Variants in DTX1 observed in about 807,000 individuals in gnomAD.
The protein encoded by DTX1 is E3 ubiquitin-protein ligase DTX1.
Under a neutral mutation model 57.8 loss-of-function variants are expected in DTX1, and 26 were observed. That is an observed-to-expected ratio of 0.45 (90% CI 0.33 to 0.62). DTX1 has a LOEUF of 0.62. Ranked by LOEUF, DTX1 falls within the 20% of genes least tolerant of loss-of-function variation. The pLI is 0.02. For missense variants in DTX1, 704 were observed against 895.3 expected (o/e 0.79, Z 2.73); for synonymous variants, 398 against 394.1 (o/e 1.01, Z -0.12).
intron 3 of DTX1, among the ~76,000 whole-genome samples, chr12:113,079,564 G>C (rs1228939699): frequency 8.7e-6 from 1 of 114,514 alleles, no homozygotes; most frequent in Non-Finnish European, 1.7e-5. Flanking sequence ...GTTTCACTCT[G>C]TTGCCCAGGC....
At chr12:113,078,321 G>A (rs2044791340) in intron 3 of DTX1, among the ~76,000 whole-genome samples, 1 of 152,140 alleles carries the variant, frequency 6.6e-6, no homozygotes, top group South Asian at 2.1e-4. Flanking sequence ...AGGACCCTAT[G>A]AGGTAGGTAC....
intron 2 of DTX1, among the ~76,000 whole-genome samples, chr12:113,067,052 G>A (rs918596707): frequency 3.9e-5 from 6 of 152,096 alleles, no homozygotes; most frequent in East Asian, 1.9e-4. Flanking sequence ...GGCCGGTGAC[G>A]GGGTGCATGA....
rs2044694109 is a variant in DTX1 at position 113,064,968 on chromosome 12, GA to G, written c.259+6520del. Among the ~76,000 whole-genome samples the G allele has an allele frequency of 2.6e-5, 4 of 152,188 alleles. No individual in the cohort carries two copies. The South Asian group carries it at 8.3e-4, about 32-fold the overall frequency. On this transcript the variant is annotated intron_variant, in intron 2 of 9. Transcript: ENST00000548759. The stretch of plus-strand genomic sequence containing the variant: ...ATAGGAGGAACACTTACAGGTGGAG[GA>G]AACAGCAGGGGTCCTTCAGCAGGGT...
intron 6 of DTX1, among the ~76,000 whole-genome samples, 198 bp from the exon 7 acceptor site, chr12:113,094,591 A>T (rs919745215): frequency 1.3e-5 from 2 of 150,704 alleles, no homozygotes; most frequent in Admixed American, 6.6e-5. Context: ...ATAAATAAAT[A>T]AAATAAATAA....
chr12:113,058,276 GGAGT>G lies in DTX1; in HGVS notation c.86_89del (p.Glu29GlyfsTer2), dbSNP rs1457536266. 1 of 1,613,724 alleles carries G rather than the reference GGAGT, an allele frequency of 6.2e-7. No homozygotes were observed. The highest frequency in any genetic ancestry group is 8.5e-7 in the Non-Finnish European group (1 of 1,180,002). On this transcript the variant is annotated frameshift_variant, in exon 2 of 10. Transcript: ENST00000548759. LOFTEE classifies it high-confidence loss of function. ...AGAACGTGGCCCGGGTGGTGGTGTG[GGAGT>G]GGCTGAATGAGCACAGCCGCTGGCG...
In DTX1 at chr12:113,093,543, G is replaced by A. The variant is rs1451377141; in HGVS notation, c.1008G>A (p.Met336Ile). Residue 336 changes from methionine to isoleucine, a missense_variant, in exon 5 of 10, where the codon ATG becomes ATA. Met to Ile is a conservative substitution (Grantham distance 10, BLOSUM62 1). Transcript: ENST00000548759. This position sits in a 1 kb window ranked among gnomAD's most constrained non-coding sequence, Gnocchi z 4.2. ...ACTGCGCCCCCTAACCCCCAGGGATGACCGGGATACTGCTGTGCGCGGCCG... is the reference window on the plus strand; with the variant it reads ...ACTGCGCCCCCTAACCCCCAGGGATAACCGGGATACTGCTGTGCGCGGCCG... Reference protein sequence around the residue: ...TGPVHPALAGMTGILLCAAGL... With the variant: ...TGPVHPALAGITGILLCAAGL... 5.0e-6 allele frequency: 8 copies of A among 1,605,390 alleles called. No individual in the cohort carries two copies. The South Asian group carries it at 6.6e-5, about 13-fold the overall frequency.
At position 113,056,910 on chromosome 12, in the gene DTX1, CGAGCCG is replaced by C; in HGVS notation, c.-763_-758del. The C allele has an allele frequency of 6.5e-6, 1 of 152,816 alleles. No individual in the cohort carries two copies. Among genetic ancestry groups the C allele is most frequent in the Non-Finnish European group, 1.5e-5 (1 of 68,516 alleles). 9.5% of individuals were successfully genotyped at this position (152,816 alleles called of 1,614,324 possible). A position where few individuals can be genotyped will look rare whatever the true frequency, so the allele number is the denominator to read the frequency against. The stretch of plus-strand genomic sequence containing the variant: ...CCCAGGAGGCGGCGGTGCTGGAGCG[CGAGCCG>C]GAGCCGGAGCCGGAGACGAAGAGAG... On this transcript the variant is annotated 5_prime_UTR_variant, in exon 1 of 10. Transcript: ENST00000548759.
At chr12:113,076,053 A>C (rs2044769256) in intron 2 of DTX1, among the ~76,000 whole-genome samples, 1 of 145,550 alleles carries the variant, frequency 6.9e-6, no homozygotes, top group East Asian at 2.3e-4. Flanking sequence ...AGGGGAAAGT[A>C]CGTGGGGGGT....
At chr12:113,082,291 C>G (rs1183929132) in intron 3 of DTX1, among the ~76,000 whole-genome samples, 1 of 152,194 alleles carries the variant, frequency 6.6e-6, no homozygotes, top group African/African-American at 2.4e-5. Flanking sequence ...AAGCCCGGCT[C>G]AAAGTCCCCA....
intron 3 of DTX1, among the ~76,000 whole-genome samples, chr12:113,091,509 CAT>C (rs778389858): frequency 1.4e-4 from 21 of 152,134 alleles, no homozygotes; most frequent in South Asian, 1.0e-3. Flanking sequence ...TGTACTTAAA[CAT>C]GTGTGTGTAA....
At chr12:113,086,178 G>A (rs983656539) in intron 3 of DTX1, among the ~76,000 whole-genome samples, 7 of 151,970 alleles carry the variant, frequency 4.6e-5, no homozygotes, top group Non-Finnish European at 8.8e-5. Flanking sequence ...TGAGGTGGGA[G>A]GATCCCTTGA....
Position 113,058,208 on chromosome 12 carries a change from C to T in DTX1, c.16C>T (p.His6Tyr), listed in dbSNP as rs373827220. Residue 6 changes from histidine (H) to tyrosine (Y), a missense_variant, in exon 2 of 10, where the codon CAC becomes TAC. His to Tyr is a moderately conservative substitution (Grantham distance 83, BLOSUM62 2). Transcript: ENST00000548759. Reference sequence around the variant, plus strand: ...AGTGGCGGCCATGTCACGGCCAGGCCACGGTGGGCTGATGCCTGTGAATGG... The same window carrying T: ...AGTGGCGGCCATGTCACGGCCAGGCTACGGTGGGCTGATGCCTGTGAATGG... MSRPG[H>Y]GGLMPVNGLG... is the part of the protein sequence containing the mutation. 6.2e-7 allele frequency: 1 copy of T among 1,607,002 alleles called. No homozygotes were observed. The highest frequency in any genetic ancestry group is 1.3e-5 in the African/African-American group (1 of 74,932).
intron 3 of DTX1, among the ~76,000 whole-genome samples, chr12:113,083,720 C>T (rs1262521279): frequency 6.6e-6 from 1 of 152,228 alleles, no homozygotes; most frequent in Non-Finnish European, 1.5e-5. Flanking sequence ...TTCCATATCT[C>T]TTTGTAGCTC....
chr12:113,074,219 ACT>A (rs1209857276), intron 2 of DTX1, among the ~76,000 whole-genome samples: 2 of 151,896 alleles, frequency 1.3e-5, no homozygotes, highest in African/African-American at 2.4e-5. Context: ...ACAGAGAAAG[ACT>A]CTCTCTCATA....
intron 3 of DTX1, among the ~76,000 whole-genome samples, chr12:113,082,380 G>T (rs1480587942): frequency 6.6e-6 from 1 of 152,228 alleles, no homozygotes; most frequent in Non-Finnish European, 1.5e-5. Flanking sequence ...TGGGGAAGGG[G>T]AGTAGGAGGA....
intron 3 of DTX1, among the ~76,000 whole-genome samples, chr12:113,085,439 G>T (rs887794118): frequency 6.6e-6 from 1 of 152,186 alleles, no homozygotes; most frequent in Non-Finnish European, 1.5e-5. Flanking sequence ...CTAAAGAGAC[G>T]TCATTTAAGT....
intron 9 of DTX1, 105 bp downstream of exon 9, chr12:113,095,519 A>T: frequency 2.1e-6 from 3 of 1,429,922 alleles, no homozygotes; most frequent in South Asian, 1.2e-5. Context: ...CTGCTCTCAC[A>T]TTCCTCCCAA....
intron 2 of DTX1, among the ~76,000 whole-genome samples, chr12:113,075,892 T>C (rs2044767992): frequency 6.6e-6 from 1 of 151,942 alleles, no homozygotes; most frequent in Non-Finnish European, 1.5e-5. Context: ...GCACCTGCTG[T>C]GTGCAGGTGC....
chr12:113,058,553 T>C, intron 2 of DTX1, 102 bp downstream of exon 2: 1 of 1,509,136 alleles, frequency 6.6e-7, no homozygotes, highest in Non-Finnish European at 8.8e-7. Flanking sequence ...GCCAAATCCC[T>C]TCCCCATCTC....
Sources: allele counts gnomAD v4.1 joint callset (sites outside exome capture counted in the v4.1 genomes callset), GRCh38; gene constraint gnomAD v4.1.1; non-coding constraint Gnocchi (gnomAD v3.1); transcripts MANE v1.5; gene names NCBI Gene and HGNC (gene_info 2026-07-23, HGNC 2026-07-21).